The following KCNK2 variants were observed in gnomAD, a reference collection of about 807,000 sequenced individuals.
The protein encoded by KCNK2 is potassium two pore domain channel subfamily K member 2.
Under a neutral mutation model 40.5 loss-of-function variants are expected in KCNK2, and 21 were observed. That is an observed-to-expected ratio of 0.52 (90% confidence interval 0.37 to 0.75). The LOEUF (loss-of-function observed/expected upper bound fraction) is 0.75, where lower values mean the gene tolerates loss of function less well. Ranked by LOEUF, KCNK2 falls within the 30% of genes least tolerant of loss-of-function variation. The pLI, the probability that KCNK2 is intolerant of heterozygous loss-of-function variation, is 0.00. For missense variants in KCNK2, 399 were observed against 531.6 expected (o/e 0.75, Z 2.45); for synonymous variants, 191 against 202.2 (o/e 0.94, Z 0.47).
chr1:215,038,236 C>T (rs1469396750), intron 1 of KCNK2, among the ~76,000 whole-genome samples: 4 of 152,096 alleles, frequency 2.6e-5, no homozygotes, highest in Non-Finnish European at 5.9e-5. Context: ...AGTAAGCCTT[C>T]CCTATGGTAG....
intron 1 of KCNK2, among the ~76,000 whole-genome samples, chr1:215,050,960 T>A (rs1301601573): frequency 2.0e-5 from 3 of 152,192 alleles, no homozygotes; most frequent in Non-Finnish European, 4.4e-5. Flanking sequence ...GATTTGAGCT[T>A]GTATGAGGTG....
chr1:215,209,476 T>TTATATATAATATATATTA lies in KCNK2; in HGVS notation c.963+14395_963+14396insTATATTATATATATAATA, dbSNP rs370130203. Among the ~76,000 whole-genome samples the TTATATATAATATATATTA allele has an allele frequency of 6.4e-3, 278 of 43,198 alleles. 10 individuals carry two copies. Among genetic ancestry groups the TTATATATAATATATATTA allele is most frequent in the African/African-American group, 0.027 (263 of 9,888 alleles). 28.3% of individuals were successfully genotyped at this position (43,198 alleles called of 152,430 possible). On this transcript the variant is annotated intron_variant, in intron 6 of 6. Transcript: ENST00000444842. ...TATTATATATTATATATAATATATA[T>TTATATATAATATATATTA]TATATATAATACATATATATAATAT...
chr1:215,220,347 C>A (rs981507093), intron 6 of KCNK2, among the ~76,000 whole-genome samples: 1 of 152,130 alleles, frequency 6.6e-6, no homozygotes, highest in Admixed American at 6.5e-5. Context: ...TCTTGAGTTG[C>A]CGCTACTGCC....
intron 2 of KCNK2, among the ~76,000 whole-genome samples, chr1:215,109,311 A>T (rs531145323): frequency 6.6e-6 from 1 of 152,124 alleles, no homozygotes; most frequent in African/African-American, 2.4e-5. Flanking sequence ...GCCTACATAT[A>T]TGATTGTACC....
At chr1:215,143,205 A>G (rs1051146093) in intron 3 of KCNK2, among the ~76,000 whole-genome samples, 4 of 152,038 alleles carry the variant, frequency 2.6e-5, no homozygotes, top group Non-Finnish European at 5.9e-5. Flanking sequence ...TGCATGTGCT[A>G]TGCGTGTGTG....
intron 3 of KCNK2, among the ~76,000 whole-genome samples, chr1:215,159,220 C>T (rs1487299043): frequency 6.6e-6 from 1 of 152,182 alleles, no homozygotes; most frequent in Non-Finnish European, 1.5e-5. Flanking sequence ...CTCCTTACAT[C>T]AAAGCCCATG....
At chr1:215,171,709 G>C (rs1663716640) in intron 4 of KCNK2, among the ~76,000 whole-genome samples, 1 of 152,038 alleles carries the variant, frequency 6.6e-6, no homozygotes, top group African/African-American at 2.4e-5. Flanking sequence ...CCTTTCAAAA[G>C]AATTTCACCT....
At chr1:215,005,781 C>A, upstream of KCNK2, 1 of 719,438 alleles carries the variant, frequency 1.4e-6, no homozygotes, top group Non-Finnish European at 2.5e-6. Context: ...GGGTAACATT[C>A]ACACACAAAA....
chr1:215,044,833 G>GCGCGCGCA (rs540471262), intron 1 of KCNK2, among the ~76,000 whole-genome samples: 42 of 141,426 alleles, frequency 3.0e-4, no homozygotes, highest in African/African-American at 1.0e-3. Context: ...GTGTGCGCGC[G>GCGCGCGCA]CACACGTGTG....
At chr1:215,135,281 T>C (rs2102594211) in intron 3 of KCNK2, among the ~76,000 whole-genome samples, 1 of 152,268 alleles carries the variant, frequency 6.6e-6, no homozygotes, top group South Asian at 2.1e-4. Flanking sequence ...AGTGTGATTC[T>C]GGGCAAATCA....
chr1:215,026,819 T>C (rs987060361), intron 1 of KCNK2, among the ~76,000 whole-genome samples: 7 of 148,080 alleles, frequency 4.7e-5, no homozygotes, highest in Admixed American at 3.3e-4. Flanking sequence ...ATCATGTGTA[T>C]GTGTGTGTGT....
intron 1 of KCNK2, among the ~76,000 whole-genome samples, chr1:215,022,221 A>C (rs1312643768): frequency 6.6e-6 from 1 of 151,800 alleles, no homozygotes; most frequent in Non-Finnish European, 1.5e-5. Flanking sequence ...CCATTGTTTC[A>C]AGGTCTTTTC....
chr1:215,018,997 AC>A (rs199989108), intron 1 of KCNK2, among the ~76,000 whole-genome samples: 3,619 of 61,602 alleles, frequency 0.059, 58 homozygotes, highest in South Asian at 0.19. Flanking sequence ...ACACACACAC[AC>A]AAAAAAAAAA....
chr1:215,128,892 A>C (rs953520430), intron 3 of KCNK2, among the ~76,000 whole-genome samples: 1 of 152,214 alleles, frequency 6.6e-6, no homozygotes, highest in Non-Finnish European at 1.5e-5. Context: ...TTGAGGATCT[A>C]CTACAATAAG....
chr1:215,048,090 T>A lies in KCNK2; in HGVS notation c.35-38278T>A, dbSNP rs1210822924. ...TTGACTTGACAGGCCTTCAAAGATA[T>A]TCCTGGGTTTTAATATTGGCCTCCT... On this transcript the variant is annotated intron_variant, in intron 1 of 6. Transcript: ENST00000391895. Among the ~76,000 whole-genome samples, 4 of 152,200 alleles carry A rather than the reference T, an allele frequency of 2.6e-5. No homozygotes were observed. The East Asian group carries it at 7.7e-4, about 29-fold the overall frequency.
At chr1:215,214,163 A>G (rs1665860662) in intron 6 of KCNK2, among the ~76,000 whole-genome samples, 1 of 152,168 alleles carries the variant, frequency 6.6e-6, no homozygotes, top group Admixed American at 6.5e-5. Flanking sequence ...TAATTGGCTC[A>G]CCGTTCTGCA....
chr1:215,034,538 A>G (rs1337995926), intron 1 of KCNK2, among the ~76,000 whole-genome samples: 1 of 151,906 alleles, frequency 6.6e-6, no homozygotes, highest in African/African-American at 2.4e-5. Flanking sequence ...CAGTATCACC[A>G]GAGGGCTTGA....
intron 3 of KCNK2, among the ~76,000 whole-genome samples, chr1:215,158,357 G>A (rs1159896367): frequency 2.0e-5 from 3 of 152,126 alleles, no homozygotes; most frequent in African/African-American, 7.2e-5. Context: ...GACTTCCTGA[G>A]GACATTCTTT....
intron 3 of KCNK2, among the ~76,000 whole-genome samples, chr1:215,161,603 G>T (rs1198028710): frequency 2.2e-4 from 33 of 148,112 alleles, no homozygotes; most frequent in Admixed American, 5.4e-4. Flanking sequence ...ACAGGCCCCA[G>T]TGTGTGATGT....
Sources: gnomAD v4.1 joint callset for allele counts (sites outside exome capture counted in the v4.1 genomes callset) on GRCh38, gnomAD v4.1.1 for gene constraint, MANE v1.5 for transcripts, NCBI Gene and HGNC (gene_info 2026-07-23, HGNC 2026-07-21) for gene names.